THSD4: variants seen among roughly 807,000 people sequenced by gnomAD.
The protein encoded by THSD4 is thrombospondin type-1 domain-containing protein 4.
Under a neutral mutation model 119.0 loss-of-function variants are expected in THSD4, and 69 were observed. That is an observed-to-expected ratio of 0.58 (90% confidence interval 0.48 to 0.71). THSD4 has a LOEUF of 0.71. Ranked by LOEUF, THSD4 falls within the 30% of genes least tolerant of loss-of-function variation. The probability of loss-of-function intolerance (pLI) is 0.00; values close to 1 mark genes in which losing one functional copy is unlikely to be tolerated. For missense variants in THSD4, 1,393 were observed against 1,391.1 expected (o/e 1.00, Z -0.02); for synonymous variants, 524 against 540.4 (o/e 0.97, Z 0.42).
At chr15:71,443,433 C>CTT (rs1555414401) in intron 7 of THSD4, among the ~76,000 whole-genome samples, 1 of 150,902 alleles carries the variant, frequency 6.6e-6, no homozygotes, top group Non-Finnish European at 1.5e-5. Flanking sequence ...AAAACAGATC[C>CTT]CTCTCTCTCT....
At chr15:71,137,404 C>A (rs1024436803) in intron 1 of THSD4, among the ~76,000 whole-genome samples, 1 of 152,214 alleles carries the variant, frequency 6.6e-6, no homozygotes, top group African/African-American at 2.4e-5. Flanking sequence ...TAATTCCCCA[C>A]AATCACAGTT....
chr15:71,599,518 C>T (rs555145627), intron 7 of THSD4, among the ~76,000 whole-genome samples: 1 of 152,286 alleles, frequency 6.6e-6, no homozygotes, highest in South Asian at 2.1e-4. Context: ...AGACCTTAAC[C>T]ACCTGTGAGG....
At chr15:71,406,643 GGTGTGTGT>G (rs56347233) in intron 6 of THSD4, among the ~76,000 whole-genome samples, 11,030 of 126,180 alleles carry the variant, frequency 0.087, 465 homozygotes, top group African/African-American at 0.13. Context: ...AGGTTTGTTT[GGTGTGTGT>G]GTGTGTGTGT....
chr15:71,300,241 A>C (rs1363777153), intron 6 of THSD4, among the ~76,000 whole-genome samples: 3 of 152,050 alleles, frequency 2.0e-5, no homozygotes. Context: ...CAAAAAAATA[A>C]TGTGTTTAAG....
At chr15:71,744,964 G>A (rs913814342) in intron 11 of THSD4, 142 bp from the exon 12 acceptor site, 37 of 1,032,610 alleles carry the variant, frequency 3.6e-5, no homozygotes, top group South Asian at 2.4e-4. Context: ...AAGGGGGAGC[G>A]TAAGTGTGCA....
At chr15:71,687,795 A>C (rs1033275846) in intron 8 of THSD4, among the ~76,000 whole-genome samples, 1 of 151,654 alleles carries the variant, frequency 6.6e-6, no homozygotes, top group African/African-American at 2.4e-5. Flanking sequence ...TCAGAAATTC[A>C]TCTGTATCAA....
chr15:71,441,748 C>A (rs1296542203), intron 7 of THSD4, among the ~76,000 whole-genome samples: 1 of 151,980 alleles, frequency 6.6e-6, no homozygotes, highest in African/African-American at 2.4e-5. Flanking sequence ...TACTACCCTG[C>A]CTCTCAGGAG....
Position 71,765,079 on chromosome 15 carries a change from T to C in THSD4, c.2649T>C (p.Asn883=). The C allele has an allele frequency of 6.2e-7, 1 of 1,614,248 alleles. No individual in the cohort carries two copies. Among genetic ancestry groups the C allele is most frequent in the Non-Finnish European group, 8.5e-7 (1 of 1,180,034 alleles). ...GGGAGGTGATTTGTGTTAGAAAGAA[T>C]GCAGACACCTTTGAAGTGTTGGACC... is the stretch of plus-strand genomic sequence containing the variant. The part of the protein sequence containing the change: ...QQREVICVRK[N]ADTFEVLDPS... Residue 883 remains asparagine (N), a synonymous_variant, in exon 16 of 18, where the codon AAT becomes AAC. Transcript: ENST00000261862.
intron 7 of THSD4, among the ~76,000 whole-genome samples, chr15:71,471,878 T>C (rs1160853393): frequency 1.3e-5 from 2 of 152,088 alleles, no homozygotes; most frequent in African/African-American, 4.8e-5. Context: ...GAATCCCAAC[T>C]TGGCCACATC....
intron 16 of THSD4, 58 bp from the exon 17 acceptor site, chr15:71,771,006 G>T: frequency 6.3e-7 from 1 of 1,576,238 alleles, no homozygotes; most frequent in Non-Finnish European, 8.6e-7. Flanking sequence ...TCTTTCTCCA[G>T]TGTGCTGAGC....
intron 7 of THSD4, among the ~76,000 whole-genome samples, chr15:71,487,799 T>C (rs964511543): frequency 6.6e-6 from 1 of 152,186 alleles, no homozygotes. Context: ...AATCTTTTCT[T>C]CCAATATATC....
chr15:71,618,161 A>G (rs938604214), intron 7 of THSD4, among the ~76,000 whole-genome samples: 1 of 152,230 alleles, frequency 6.6e-6, no homozygotes, highest in East Asian at 1.9e-4. Flanking sequence ...TTAAGTTTTC[A>G]TAAAAATTCT....
intron 7 of THSD4, among the ~76,000 whole-genome samples, chr15:71,535,442 A>G (rs1474939508): frequency 1.3e-5 from 2 of 152,204 alleles, no homozygotes; most frequent in Admixed American, 6.5e-5. Flanking sequence ...TAATGCTGCT[A>G]CGAACATGTG....
intron 6 of THSD4, among the ~76,000 whole-genome samples, chr15:71,357,299 G>A (rs1326372457): frequency 6.6e-6 from 1 of 152,246 alleles, no homozygotes; most frequent in Admixed American, 6.5e-5. Context: ...TCGGTTATGA[G>A]AGGGTGTCAT....
At chr15:71,768,036 G>C (rs1281930095) in intron 16 of THSD4, among the ~76,000 whole-genome samples, 1 of 152,016 alleles carries the variant, frequency 6.6e-6, no homozygotes, top group Non-Finnish European at 1.5e-5. Context: ...AGGATGTTAG[G>C]GAACCAACTT....
At chr15:71,758,742 G>C (rs528552739) in intron 15 of THSD4, among the ~76,000 whole-genome samples, 1 of 152,164 alleles carries the variant, frequency 6.6e-6, no homozygotes, top group Admixed American at 6.5e-5. Flanking sequence ...TCCAAGGACT[G>C]TTTGGCTTAT....
At chr15:71,207,087 A>T (rs1283083647) in intron 3 of THSD4, among the ~76,000 whole-genome samples, 1 of 152,190 alleles carries the variant, frequency 6.6e-6, no homozygotes, top group Admixed American at 6.5e-5. Context: ...ATTATTCATG[A>T]TTATGATGTT....
At chr15:71,676,656 G>A (rs181931047) in intron 8 of THSD4, among the ~76,000 whole-genome samples, 3 of 152,152 alleles carry the variant, frequency 2.0e-5, no homozygotes, top group Admixed American at 2.0e-4. Context: ...CAAGCCCCTG[G>A]TAACTTCAAC....
At chr15:71,463,196 G>A (rs926479658) in intron 7 of THSD4, among the ~76,000 whole-genome samples, 1 of 152,084 alleles carries the variant, frequency 6.6e-6, no homozygotes, top group African/African-American at 2.4e-5. Context: ...AAGTCATTCT[G>A]ATATTTGCTA....
Sources: allele counts gnomAD v4.1 joint callset (sites outside exome capture counted in the v4.1 genomes callset), GRCh38; gene constraint gnomAD v4.1.1; transcripts MANE v1.5; gene names NCBI Gene and HGNC (gene_info 2026-07-23, HGNC 2026-07-21).